Variants in BCL2 observed in about 807,000 individuals in gnomAD.
BCL2 encodes the protein apoptosis regulator Bcl-2.
BCL2 carries 1 observed loss-of-function variant against 14.2 expected under a neutral mutation model. The observed-to-expected ratio is 0.07, with a 90% CI of 0.02 to 0.33. The LOEUF (loss-of-function observed/expected upper bound fraction) is 0.33. BCL2 is among the 10% of genes least tolerant of loss of function. The pLI, the probability that BCL2 is intolerant of heterozygous loss-of-function variation, is 0.99. For missense variants in BCL2, 247 were observed against 305.9 expected (o/e 0.81, Z 1.44); for synonymous variants, 151 against 137.2 (o/e 1.10, Z -0.70).
chr18:63,231,042 T>C (rs1212379885), intron 2 of BCL2, among the ~76,000 whole-genome samples: 1 of 152,014 alleles, frequency 6.6e-6, no homozygotes, highest in African/African-American at 2.4e-5. Flanking sequence ...GTGTGTGAGA[T>C]GACCCAGTAG....
chr18:63,277,868 A>G (rs970211798), intron 2 of BCL2, among the ~76,000 whole-genome samples: 6 of 152,226 alleles, frequency 3.9e-5, no homozygotes, highest in Admixed American at 2.0e-4. Context: ...TGTGTGAGAT[A>G]CACTCTAACG....
chr18:63,128,984 G>A (rs1371911294), intron 2 of BCL2, among the ~76,000 whole-genome samples: 2 of 152,206 alleles, frequency 1.3e-5, no homozygotes, highest in African/African-American at 4.8e-5. Context: ...AGCCATCTTA[G>A]AGATACAGCA....
intron 2 of BCL2, among the ~76,000 whole-genome samples, chr18:63,313,283 T>C (rs1398153692): frequency 1.3e-5 from 2 of 152,216 alleles, no homozygotes; most frequent in Non-Finnish European, 2.9e-5. Context: ...CAATCACATC[T>C]GTGGAATAAC....
At chr18:63,228,750 C>T (rs1167002432) in intron 2 of BCL2, among the ~76,000 whole-genome samples, 1 of 151,940 alleles carries the variant, frequency 6.6e-6, no homozygotes, top group Non-Finnish European at 1.5e-5. Context: ...TGTTCTGCCG[C>T]CCAGCTGGAG....
Position 63,204,636 on chromosome 18 carries a change from G to C in BCL2, c.586-75877C>G, listed in dbSNP as rs907426511. On this transcript the variant is annotated intron_variant, in intron 2 of 2. Transcript: ENST00000333681. ...CCCATAGAATTATGACTAATAAAAG[G>C]GTTGTTGTTTTAAACCACTATGTTA... Among the ~76,000 whole-genome samples, 13 of 152,078 alleles carry C rather than the reference G, an allele frequency of 8.5e-5. 1 individual carries two copies. Among genetic ancestry groups the C allele is most frequent in the South Asian group, 4.1e-4 (2 of 4,820 alleles).
Position 63,318,845 on chromosome 18 carries a change from G to A in BCL2, c.-179C>T, listed in dbSNP as rs964146106. 1 of 1,398,656 alleles carries A rather than the reference G, an allele frequency of 7.1e-7. No individual in the cohort carries two copies. The allele number at this position is 1,398,656 out of a possible 1,614,324, so 86.6% of individuals were successfully genotyped here. The stretch of plus-strand genomic sequence containing the variant: ...CACTTGATTCTGGTGTTTCCCCCTT[G>A]GCATGAGATGCAGGAAATTTTTATT... On this transcript the variant is annotated 5_prime_UTR_variant, in exon 2 of 3. Coordinates refer to ENST00000333681, the MANE Select transcript of BCL2 (RefSeq NM_000633.3). The surrounding 1 kb of genome is among the most constrained non-coding windows in gnomAD (Gnocchi z 7.4).
At chr18:63,270,562 C>G (rs986238723) in intron 2 of BCL2, among the ~76,000 whole-genome samples, 1 of 152,046 alleles carries the variant, frequency 6.6e-6, no homozygotes, top group Non-Finnish European at 1.5e-5. Context: ...TATGTGTATA[C>G]ATAAATACAA....
chr18:63,306,870 A>G (rs898804874), intron 2 of BCL2, among the ~76,000 whole-genome samples: 10 of 143,842 alleles, frequency 7.0e-5, no homozygotes, highest in African/African-American at 2.6e-4. Context: ...CTCATCAGCT[A>G]TCATTCGTGT....
At chr18:63,240,073 T>C (rs74636658) in intron 2 of BCL2, among the ~76,000 whole-genome samples, 2,203 of 152,276 alleles carry the variant, frequency 0.014, 50 homozygotes, top group African/African-American at 0.05. Context: ...CACTACAATC[T>C]CTCCCTCCTG....
intron 2 of BCL2, among the ~76,000 whole-genome samples, chr18:63,282,637 C>T (rs1353465923): frequency 6.6e-6 from 1 of 152,102 alleles, no homozygotes; most frequent in Non-Finnish European, 1.5e-5. Flanking sequence ...ACTCAAAACA[C>T]CAAAAAGTCA....
intron 2 of BCL2, among the ~76,000 whole-genome samples, chr18:63,288,557 T>C (rs745905256): frequency 2.0e-5 from 3 of 152,190 alleles, no homozygotes; most frequent in Non-Finnish European, 4.4e-5. Context: ...CTAGTGAAAG[T>C]TTCCATGCTG....
intron 2 of BCL2, among the ~76,000 whole-genome samples, chr18:63,142,517 C>T (rs1233880405): frequency 2.0e-5 from 3 of 152,232 alleles, no homozygotes; most frequent in Non-Finnish European, 1.5e-5. Flanking sequence ...TGAAACTTCA[C>T]AGCCTGCTTA....
At chr18:63,157,922 CCAAA>C (rs1180160663) in intron 2 of BCL2, among the ~76,000 whole-genome samples, 3 of 152,076 alleles carry the variant, frequency 2.0e-5, no homozygotes, top group Non-Finnish European at 4.4e-5. Context: ...TACACTGTAC[CCAAA>C]CATTCTTTTT....
At chr18:63,196,955 T>C (rs537700862) in intron 2 of BCL2, among the ~76,000 whole-genome samples, 3 of 152,296 alleles carry the variant, frequency 2.0e-5, no homozygotes, top group Admixed American at 1.3e-4. Flanking sequence ...TCCAATATTT[T>C]AGCATCTGAA....
intron 2 of BCL2, among the ~76,000 whole-genome samples, chr18:63,245,243 T>C (rs779694389): frequency 3.9e-5 from 6 of 152,234 alleles, no homozygotes; most frequent in Non-Finnish European, 8.8e-5. Context: ...CTTAAACCAA[T>C]TGAGCATCAA....
chr18:63,284,048 C>G (rs1461330519), intron 2 of BCL2, among the ~76,000 whole-genome samples: 1 of 152,212 alleles, frequency 6.6e-6, no homozygotes, highest in Non-Finnish European at 1.5e-5. Flanking sequence ...GGTCAGCACA[C>G]AGGGTACCAG....
intron 2 of BCL2, among the ~76,000 whole-genome samples, chr18:63,154,372 A>T (rs1445649398): frequency 6.6e-6 from 1 of 152,108 alleles, no homozygotes; most frequent in African/African-American, 2.4e-5. Flanking sequence ...TTCCCTCTGG[A>T]GTATTCCCAG....
intron 2 of BCL2, among the ~76,000 whole-genome samples, chr18:63,284,648 C>CA (rs4987734): frequency 6.6e-6 from 1 of 152,004 alleles, no homozygotes; most frequent in Non-Finnish European, 1.5e-5. Context: ...ATTTTAAATC[C>CA]AAAAAAAGCT....
intron 2 of BCL2, among the ~76,000 whole-genome samples, chr18:63,168,631 T>C (rs954181806): frequency 6.6e-6 from 1 of 152,226 alleles, no homozygotes; most frequent in South Asian, 2.1e-4. Flanking sequence ...CAGAATGCTA[T>C]GTGGCTAGCA....
Sources: allele counts gnomAD v4.1 joint callset (sites outside exome capture counted in the v4.1 genomes callset), GRCh38; gene constraint gnomAD v4.1.1; non-coding constraint Gnocchi (gnomAD v3.1); transcripts MANE v1.5; gene names NCBI Gene and HGNC (gene_info 2026-07-23, HGNC 2026-07-21).